ST6GALNAC3: variants seen among roughly 807,000 people sequenced by gnomAD.
ST6GALNAC3 encodes the protein alpha-N-acetylgalactosaminide alpha-2,6-sialyltransferase 3.
Under a neutral mutation model 32.7 loss-of-function variants are expected in ST6GALNAC3, and 25 were observed. That is an observed-to-expected ratio of 0.76 (90% CI 0.56 to 1.07). The LOEUF (loss-of-function observed/expected upper bound fraction) is 1.07. Ranked by LOEUF, ST6GALNAC3 falls within the 50% of genes least tolerant of loss-of-function variation. The pLI, the probability that ST6GALNAC3 is intolerant of heterozygous loss-of-function variation, is 0.00. For synonymous variants in ST6GALNAC3, 129 were observed against 133.1 expected, an observed-to-expected ratio of 0.97 and a Z score of 0.21; for missense variants, 355 against 382.4, an observed-to-expected ratio of 0.93 and a Z score of 0.60.
At chr1:76,544,079 T>A (rs893120436) in intron 3 of ST6GALNAC3, among the ~76,000 whole-genome samples, 5 of 145,472 alleles carry the variant, frequency 3.4e-5, no homozygotes, top group African/African-American at 1.2e-4. Flanking sequence ...TTAATTACAT[T>A]TATATATATA....
At chr1:76,393,836 T>C (rs1368935237) in intron 2 of ST6GALNAC3, among the ~76,000 whole-genome samples, 1 of 152,094 alleles carries the variant, frequency 6.6e-6, no homozygotes, top group Non-Finnish European at 1.5e-5. Context: ...TTTAGTGCGC[T>C]GAAGGAGTGA....
intron 3 of ST6GALNAC3, among the ~76,000 whole-genome samples, chr1:76,585,502 G>T (rs1254249996): frequency 2.0e-5 from 3 of 152,148 alleles, no homozygotes; most frequent in Non-Finnish European, 4.4e-5. Context: ...CGCTTCCAGA[G>T]AGGCGAGAGC....
intron 3 of ST6GALNAC3, among the ~76,000 whole-genome samples, chr1:76,532,913 C>T (rs938457820): frequency 5.3e-5 from 8 of 152,018 alleles, no homozygotes; most frequent in Non-Finnish European, 1.2e-4. Context: ...TTTCAGACCT[C>T]AGAGACTCTG....
intron 3 of ST6GALNAC3, among the ~76,000 whole-genome samples, chr1:76,534,980 A>AATTT (rs1315415504): frequency 6.6e-6 from 1 of 152,170 alleles, no homozygotes; most frequent in Non-Finnish European, 1.5e-5. Context: ...TATTTCTCAT[A>AATTT]TCCTTTTCCA....
chr1:76,497,583 A>G (rs1224376731), intron 3 of ST6GALNAC3, among the ~76,000 whole-genome samples: 2 of 152,174 alleles, frequency 1.3e-5, no homozygotes, highest in African/African-American at 2.4e-5. Context: ...AAGAAAACCA[A>G]CATCTATTGA....
chr1:76,488,209 T>C (rs1005099502), intron 3 of ST6GALNAC3, among the ~76,000 whole-genome samples: 9 of 152,182 alleles, frequency 5.9e-5, no homozygotes, highest in Non-Finnish European at 1.3e-4. Context: ...ATCCCCTTTG[T>C]GGTAAGTGAG....
chr1:76,295,686 G>A (rs1173062966), intron 1 of ST6GALNAC3, among the ~76,000 whole-genome samples: 4 of 152,084 alleles, frequency 2.6e-5, no homozygotes, highest in Admixed American at 2.0e-4. Flanking sequence ...GATCCTTCAT[G>A]AGGAAATGAA....
At chr1:76,566,743 T>C (rs1665577981) in intron 3 of ST6GALNAC3, among the ~76,000 whole-genome samples, 1 of 152,172 alleles carries the variant, frequency 6.6e-6, no homozygotes, top group Non-Finnish European at 1.5e-5. Flanking sequence ...AGCACTTACA[T>C]TGTGATAATT....
intron 1 of ST6GALNAC3, among the ~76,000 whole-genome samples, chr1:76,097,351 G>A (rs989722363): frequency 4.6e-5 from 7 of 152,162 alleles, no homozygotes; most frequent in African/African-American, 1.7e-4. Flanking sequence ...AATCATGGGG[G>A]TGGTTACCTC....
At chr1:76,333,474 T>C (rs1647245053) in intron 2 of ST6GALNAC3, among the ~76,000 whole-genome samples, 1 of 152,242 alleles carries the variant, frequency 6.6e-6, no homozygotes, top group African/African-American at 2.4e-5. Flanking sequence ...CAGTATCTTT[T>C]CTAATCTTAA....
intron 3 of ST6GALNAC3, among the ~76,000 whole-genome samples, chr1:76,566,262 T>C (rs947217647): frequency 3.3e-5 from 5 of 152,192 alleles, no homozygotes; most frequent in African/African-American, 1.2e-4. Context: ...TAAAGAGTAA[T>C]TTATATTAAA....
chr1:76,173,863 T>A lies in ST6GALNAC3; in HGVS notation c.18+98979T>A, dbSNP rs183337623. On this transcript the variant is annotated intron_variant, in intron 1 of 4. Transcript: ENST00000328299. ...AGATGCTGGTGAGGCTGTGGAGAAATAGGAAGACTTTTACACTGTTGGTGG... is the reference window on the plus strand; with the variant it reads ...AGATGCTGGTGAGGCTGTGGAGAAAAAGGAAGACTTTTACACTGTTGGTGG... Among the ~76,000 whole-genome samples the A allele has an allele frequency of 2.0e-5, 3 of 152,248 alleles. No homozygotes were observed. In the East Asian group the frequency reaches 5.8e-4, roughly 29 times the overall value.
chr1:76,225,787 T>G (rs1394741610), intron 1 of ST6GALNAC3, among the ~76,000 whole-genome samples: 1 of 152,152 alleles, frequency 6.6e-6, no homozygotes, highest in African/African-American at 2.4e-5. Flanking sequence ...CAATGAGTGT[T>G]GTATGGGAAC....
intron 1 of ST6GALNAC3, among the ~76,000 whole-genome samples, chr1:76,273,436 G>A (rs1412927443): frequency 1.3e-5 from 2 of 152,004 alleles, no homozygotes; most frequent in African/African-American, 2.4e-5. Context: ...TCTTTTTCTT[G>A]GATAAAAATC....
chr1:76,289,821 CA>C (rs1407045076), intron 1 of ST6GALNAC3, among the ~76,000 whole-genome samples: 1 of 152,170 alleles, frequency 6.6e-6, no homozygotes, highest in Non-Finnish European at 1.5e-5. Flanking sequence ...GTTATGTGCA[CA>C]GGGAGGGAAC....
intron 3 of ST6GALNAC3, among the ~76,000 whole-genome samples, chr1:76,475,729 C>T (rs765965323): frequency 2.4e-4 from 37 of 152,078 alleles, no homozygotes; most frequent in Admixed American, 1.6e-3. Context: ...ACTTTTATCT[C>T]TGGGATACAT....
At chr1:76,569,974 C>T (rs1165893680) in intron 3 of ST6GALNAC3, among the ~76,000 whole-genome samples, 2 of 152,124 alleles carry the variant, frequency 1.3e-5, no homozygotes, top group Non-Finnish European at 2.9e-5. Flanking sequence ...CGTGACATCT[C>T]ATCCATGTCA....
In ST6GALNAC3 at chr1:76,606,613, C is replaced by G. The variant is rs968303178; in HGVS notation, c.624-20839C>G. 2.9e-4 allele frequency among the ~76,000 whole-genome samples: 44 copies of G among 151,836 alleles called. 1 individual carries two copies. Among genetic ancestry groups the G allele is most frequent in the Admixed American group, 2.9e-3 (44 of 15,232 alleles). ...CATCAGCAGAAATAGCTAACACATG[C>G]TGGGCTTAATACCTAGGTGATGGGT... On this transcript the variant is annotated intron_variant, in intron 3 of 4. Transcript: ENST00000328299.
chr1:76,187,538 T>C (rs575590498), intron 1 of ST6GALNAC3, among the ~76,000 whole-genome samples: 2 of 152,316 alleles, frequency 1.3e-5, no homozygotes, highest in African/African-American at 4.8e-5. Context: ...CAGGCAGCTA[T>C]GTTTACTACA....
Sources: gnomAD v4.1 joint callset for allele counts (sites outside exome capture counted in the v4.1 genomes callset) on GRCh38, gnomAD v4.1.1 for gene constraint, MANE v1.5 for transcripts, NCBI Gene and HGNC (gene_info 2026-07-23, HGNC 2026-07-21) for gene names.